The following AMOTL2 variants were observed in gnomAD, a reference collection of about 807,000 sequenced individuals.
AMOTL2 encodes angiomotin like 2, also known as angiomotin-like protein 2.
A neutral mutation model predicts 78.4 loss-of-function variants in AMOTL2; 33 were observed. The ratio of observed to expected loss-of-function variants is 0.42; its 90% CI spans 0.32 to 0.56. The LOEUF is 0.56. AMOTL2 is among the 20% of genes least tolerant of loss of function. The probability of loss-of-function intolerance (pLI) is 0.12; values close to 1 mark genes in which losing one functional copy is unlikely to be tolerated. For synonymous variants in AMOTL2, 422 were observed against 428.8 expected (o/e 0.98, Z 0.20); for missense variants, 983 against 1,030.1 (o/e 0.95, Z 0.63).
chr3:134,369,882 G>C (rs1481086287), intron 2 of AMOTL2, among the ~76,000 whole-genome samples: 1 of 152,170 alleles, frequency 6.6e-6, no homozygotes, highest in East Asian at 1.9e-4. Flanking sequence ...CTTGTTTCTA[G>C]GAACACTTAT....
At chr3:134,361,846 C>T (rs939475608) in intron 5 of AMOTL2, 39 bp from the exon 6 acceptor site, 18 of 1,483,306 alleles carry the variant, frequency 1.2e-5, no homozygotes, top group South Asian at 2.7e-5. Flanking sequence ...ACAGTGACCA[C>T]GTTGGCTGGC....
chr3:134,374,175 G>T (rs1206563638), intron 1 of AMOTL2, 167 bp downstream of exon 1: 2 of 930,322 alleles, frequency 2.1e-6, no homozygotes, highest in Non-Finnish European at 2.6e-6. Context: ...AGCGGCCCTT[G>T]CCAGGCACTG....
Position 134,361,555 on chromosome 3 carries a change from C to T in AMOTL2, c.1532G>A (p.Arg511Gln). 6.2e-7 allele frequency: 1 copy of T among 1,613,246 alleles called. No individual in the cohort carries two copies. Among genetic ancestry groups the T allele is most frequent in the Non-Finnish European group, 8.5e-7 (1 of 1,179,884 alleles). ...EKREQLELRL[R>Q]TRLEQELKAL... ...CTTGAGTTCCTGCTCCAGGCGAGTC[C>T]GCAGACGCAGCTCCAGCTGCTCCCG... Residue 511 changes from arginine (R) to glutamine (Q), a missense_variant, in exon 6 of 10, where the codon CGG becomes CAG. Coordinates refer to ENST00000249883, the MANE Select transcript of AMOTL2 (RefSeq NM_016201.4).
chr3:134,368,695 G>T (rs1214936481), intron 2 of AMOTL2, among the ~76,000 whole-genome samples: 1 of 152,180 alleles, frequency 6.6e-6, no homozygotes, highest in Admixed American at 6.5e-5. Context: ...TCTAGTAGGA[G>T]CCTCAGTTTA....
Position 134,357,391 on chromosome 3 carries a change from T to A in AMOTL2, c.*314A>T. 2.9e-6 allele frequency: 1 copy of A among 349,450 alleles called. No individual in the cohort carries two copies. The highest frequency in any genetic ancestry group is 5.4e-6 in the Non-Finnish European group (1 of 185,442). The allele number at this position is 349,450 out of a possible 1,614,324, so 21.6% of individuals were successfully genotyped here. ...ACTGGCAGGGCAGAGGGAGCTCAGC[T>A]CCTTTCTGAGCTGTCAGTTGCTACC... On this transcript the variant is annotated 3_prime_UTR_variant, in exon 10 of 10. Transcript: ENST00000249883.
At chr3:134,365,740 T>C in intron 5 of AMOTL2, 77 bp downstream of exon 5, 1 of 1,361,878 alleles carries the variant, frequency 7.3e-7, no homozygotes, top group Non-Finnish European at 1.0e-6. Context: ...GGAAGGCCAA[T>C]CTTCCTAGTC....
chr3:134,371,098 G>C lies in AMOTL2; in HGVS notation c.336C>G (p.Ala112=). 1 of 1,612,782 alleles carries C rather than the reference G, an allele frequency of 6.2e-7. No individual in the cohort carries two copies. The highest frequency in any genetic ancestry group is 8.5e-7 in the Non-Finnish European group (1 of 1,179,520). ...EELPTYEEAK[A]HSQYYAAQQA... is the part of the protein sequence containing the mutation. ...GCTGGGCCGCATAGTACTGCGAGTG[G>C]GCTTTGGCCTCCTCATAGGTGGGCA... is the stretch of plus-strand genomic sequence containing the variant. Residue 112 remains alanine (A), a synonymous_variant, in exon 2 of 10, where the codon GCC becomes GCG. Coordinates refer to ENST00000249883, the MANE Select transcript of AMOTL2 (RefSeq NM_016201.4).
chr3:134,372,643 G>A (rs770609507), intron 1 of AMOTL2, among the ~76,000 whole-genome samples: 16 of 152,026 alleles, frequency 1.1e-4, no homozygotes, highest in Non-Finnish European at 1.9e-4. Context: ...CTTGACATCA[G>A]TGTCAAGGAA....
intron 6 of AMOTL2, among the ~76,000 whole-genome samples, chr3:134,361,082 G>A (rs1037611229): frequency 1.3e-5 from 2 of 152,138 alleles, no homozygotes; most frequent in Non-Finnish European, 2.9e-5. Context: ...GCTGAGGCAA[G>A]AGAATGGCTT....
chr3:134,362,950 A>C (rs2017439029), intron 5 of AMOTL2, among the ~76,000 whole-genome samples: 1 of 152,216 alleles, frequency 6.6e-6, no homozygotes, highest in African/African-American at 2.4e-5. Context: ...TTTCTGCCAG[A>C]GTGGAATTGT....
At position 134,370,796 on chromosome 3, in the gene AMOTL2, T is replaced by C; in HGVS notation, c.638A>G (p.Tyr213Cys). Residue 213 changes from tyrosine to cysteine, a missense_variant, in exon 2 of 10, where the codon TAC becomes TGC. Tyr to Cys is a radical substitution (Grantham distance 194, BLOSUM62 -2). Coordinates refer to ENST00000249883, the MANE Select transcript of AMOTL2 (RefSeq NM_016201.4). ...CTCATGAGCTAGTACAACATGAGGG[T>C]ACTGAGGTGGGGGTCCTCGGGACTC... ...GPESRGPPPQ[Y>C]PHVVLAHETT... 3.2e-6 allele frequency: 5 copies of C among 1,554,668 alleles called. No individual in the cohort carries two copies. Among genetic ancestry groups the C allele is most frequent in the Non-Finnish European group, 4.3e-6 (5 of 1,150,704 alleles).
At chr3:134,364,456 C>G (rs2017522010) in intron 5 of AMOTL2, among the ~76,000 whole-genome samples, 1 of 152,088 alleles carries the variant, frequency 6.6e-6, no homozygotes, top group Admixed American at 6.5e-5. Flanking sequence ...CCTTCCTCCA[C>G]AGGCACCCTA....
At position 134,367,725 on chromosome 3, in the gene AMOTL2, G is replaced by A. The variant is rs559689864; in HGVS notation, c.813C>T (p.His271=). 6 of 1,613,780 alleles carry A rather than the reference G, an allele frequency of 3.7e-6. No homozygotes were observed. The Admixed American group carries it at 8.3e-5, about 22-fold the overall frequency. ...QYQYLQQSQE[H]PPPPHPAALG... is the part of the protein sequence containing the mutation. ...GAGCAGCTGGATGTGGGGGAGGGGG[G>A]TGCTCCTGAGATTGCTGCAGGTACT... Residue 271 remains histidine, a synonymous_variant, in exon 3 of 10, where the codon CAC becomes CAT. Coordinates refer to ENST00000249883, the MANE Select transcript of AMOTL2 (RefSeq NM_016201.4).
chr3:134,358,407 C>T (rs1041224466), intron 9 of AMOTL2, 133 bp downstream of exon 9: 23 of 1,116,956 alleles, frequency 2.1e-5, no homozygotes, highest in Non-Finnish European at 2.8e-5. Flanking sequence ...TCACCTCTGG[C>T]TATGCACGGC....
chr3:134,374,568 C>T (rs1185572792), upstream of AMOTL2: 2 of 985,020 alleles, frequency 2.0e-6, no homozygotes, highest in African/African-American at 3.5e-5. Context: ...AATAACCTCT[C>T]AGCGCACCGC....
chr3:134,373,745 C>G (rs1282303163), intron 1 of AMOTL2: 12 of 985,314 alleles, frequency 1.2e-5, no homozygotes, highest in Non-Finnish European at 1.4e-5. Context: ...GCCCGAGGCC[C>G]GGAGAGGTCT....
chr3:134,374,329 C>T lies in AMOTL2; in HGVS notation c.-62+13G>A. 2 of 985,334 alleles carry T rather than the reference C, an allele frequency of 2.0e-6. No individual in the cohort carries two copies. The highest frequency in any genetic ancestry group is 2.4e-6 in the Non-Finnish European group (2 of 829,930). The allele number at this position is 985,334 out of a possible 1,614,324, so 61.0% of individuals were successfully genotyped here. On this transcript the variant is annotated intron_variant, in intron 1 of 9. Transcript: ENST00000249883. ...CTCGCGCGCTCTCCCGAGCGCCGAGCGGCCTTCCTTACCGCTGCGGCCCGA... is the reference window on the plus strand; with the variant it reads ...CTCGCGCGCTCTCCCGAGCGCCGAGTGGCCTTCCTTACCGCTGCGGCCCGA...
intron 1 of AMOTL2, among the ~76,000 whole-genome samples, chr3:134,373,320 G>C (rs1417891510): frequency 6.6e-6 from 1 of 152,106 alleles, no homozygotes; most frequent in Non-Finnish European, 1.5e-5. Flanking sequence ...GAAGGCAGGG[G>C]AGCGGCAGGA....
intron 2 of AMOTL2, among the ~76,000 whole-genome samples, chr3:134,370,301 T>TA (rs2017793495): frequency 1.3e-5 from 2 of 152,320 alleles, no homozygotes; most frequent in African/African-American, 4.8e-5. Flanking sequence ...CATATTTTCT[T>TA]AAAAAATCTC....
Sources: gnomAD v4.1 joint callset for allele counts (sites outside exome capture counted in the v4.1 genomes callset) on GRCh38, gnomAD v4.1.1 for gene constraint, MANE v1.5 for transcripts, NCBI Gene and HGNC (gene_info 2026-07-23, HGNC 2026-07-21) for gene names.